Variants in FCHSD2 observed in about 807,000 individuals in gnomAD.
The protein encoded by FCHSD2 is F-BAR and double SH3 domains protein 2.
In FCHSD2, 38 loss-of-function variants were observed where a neutral mutation model predicts 108.1. The observed-to-expected ratio is 0.35, with a 90% CI of 0.27 to 0.46. The LOEUF (loss-of-function observed/expected upper bound fraction) is 0.46, where lower values mean the gene tolerates loss of function less well. Among genes scored for constraint, FCHSD2 ranks in the 20% least tolerant of loss-of-function variants. FCHSD2 has a pLI of 1.00. For synonymous variants in FCHSD2, 279 were observed against 314.7 expected, an observed-to-expected ratio of 0.89 and a Z score of 1.20; for missense variants, 751 against 897.8, an observed-to-expected ratio of 0.84 and a Z score of 2.09.
chr11:73,067,284 G>T (rs1162800998), intron 3 of FCHSD2, among the ~76,000 whole-genome samples: 1 of 152,086 alleles, frequency 6.6e-6, no homozygotes, highest in Non-Finnish European at 1.5e-5. Flanking sequence ...TGAACAATGA[G>T]AACTCATGGA....
At chr11:72,987,851 T>C (rs1184282751) in intron 6 of FCHSD2, among the ~76,000 whole-genome samples, 4 of 152,220 alleles carry the variant, frequency 2.6e-5, no homozygotes, top group Admixed American at 1.3e-4. Context: ...GGACATCTAA[T>C]CTAAAAACTT....
chr11:73,102,313 T>C (rs937787170), intron 2 of FCHSD2, among the ~76,000 whole-genome samples: 8 of 152,204 alleles, frequency 5.3e-5, no homozygotes, highest in Admixed American at 6.5e-5. Context: ...GGGGAAATTT[T>C]TGGCAGTTTC....
intron 4 of FCHSD2, among the ~76,000 whole-genome samples, chr11:73,015,352 TTACAA>T (rs752290225): frequency 2.6e-5 from 4 of 152,332 alleles, no homozygotes; most frequent in East Asian, 1.9e-4. Context: ...GCTCCTTTCC[TTACAA>T]TACATTAGAA....
intron 11 of FCHSD2, among the ~76,000 whole-genome samples, chr11:72,888,677 G>A (rs1490322945): frequency 6.0e-5 from 9 of 151,258 alleles, no homozygotes; most frequent in African/African-American, 2.2e-4. Flanking sequence ...GGAGTTCAGA[G>A]GCATGATCTT....
intron 3 of FCHSD2, among the ~76,000 whole-genome samples, chr11:73,019,701 G>T (rs933419709): frequency 8.5e-5 from 13 of 152,092 alleles, no homozygotes; most frequent in Non-Finnish European, 1.5e-5. Context: ...TAATCTGCAT[G>T]GATGCTCAGA....
chr11:73,013,452 C>T (rs1487544140), intron 4 of FCHSD2, among the ~76,000 whole-genome samples: 1 of 152,210 alleles, frequency 6.6e-6, no homozygotes, highest in Admixed American at 6.5e-5. Context: ...AAAGGACAGA[C>T]AACATATCTT....
intron 9 of FCHSD2, among the ~76,000 whole-genome samples, chr11:72,907,350 G>C (rs1448061174): frequency 6.6e-6 from 1 of 152,076 alleles, no homozygotes; most frequent in East Asian, 1.9e-4. Context: ...GATTGCCTTA[G>C]CCAGAACTTC....
At chr11:73,019,980 C>T (rs1376347477) in intron 3 of FCHSD2, among the ~76,000 whole-genome samples, 1 of 152,146 alleles carries the variant, frequency 6.6e-6, no homozygotes, top group African/African-American at 2.4e-5. Flanking sequence ...AATTGGTCCA[C>T]TAAACATAAT....
At chr11:73,131,038 T>C (rs1294505131) in intron 2 of FCHSD2, among the ~76,000 whole-genome samples, 1 of 152,186 alleles carries the variant, frequency 6.6e-6, no homozygotes, top group Non-Finnish European at 1.5e-5. Flanking sequence ...AATTTTTAAA[T>C]ACCTGAGTCC....
intron 3 of FCHSD2, among the ~76,000 whole-genome samples, chr11:73,032,765 T>C (rs1359987035): frequency 6.6e-6 from 1 of 151,910 alleles, no homozygotes; most frequent in Non-Finnish European, 1.5e-5. Flanking sequence ...GGGGTGCAAG[T>C]GGGAACATAG....
intron 8 of FCHSD2, among the ~76,000 whole-genome samples, chr11:72,951,573 T>C (rs1048255984): frequency 6.6e-6 from 1 of 152,232 alleles, no homozygotes; most frequent in African/African-American, 2.4e-5. Flanking sequence ...TTTTCCCATA[T>C]AGTGCTTGCC....
intron 2 of FCHSD2, among the ~76,000 whole-genome samples, chr11:73,135,982 C>T (rs1861111850): frequency 6.6e-6 from 1 of 151,728 alleles, no homozygotes; most frequent in South Asian, 2.1e-4. Flanking sequence ...GGGCAACAAA[C>T]AAACCCTGTC....
intron 5 of FCHSD2, among the ~76,000 whole-genome samples, chr11:72,994,907 T>C (rs1857492714): frequency 6.6e-6 from 1 of 152,178 alleles, no homozygotes; most frequent in South Asian, 2.1e-4. Flanking sequence ...GGTGACAAGG[T>C]TGTTCAACCA....
intron 2 of FCHSD2, among the ~76,000 whole-genome samples, chr11:73,135,306 A>G (rs1861097546): frequency 6.6e-6 from 1 of 152,250 alleles, no homozygotes; most frequent in African/African-American, 2.4e-5. Context: ...CTTCAACAAT[A>G]TAATTCACTT....
intron 3 of FCHSD2, among the ~76,000 whole-genome samples, chr11:73,033,103 A>G (rs1178530293): frequency 6.6e-6 from 1 of 152,044 alleles, no homozygotes; most frequent in Non-Finnish European, 1.5e-5. Context: ...CCTGGCTAAC[A>G]TGGTGAAACC....
At chr11:73,120,422 A>G (rs958819586) in intron 2 of FCHSD2, among the ~76,000 whole-genome samples, 1 of 152,208 alleles carries the variant, frequency 6.6e-6, no homozygotes, top group African/African-American at 2.4e-5. Flanking sequence ...GTAAGTGTAT[A>G]CCAGGCTCAG....
chr11:72,846,181 CTTT>C (rs35708688), intron 14 of FCHSD2, among the ~76,000 whole-genome samples: 6 of 137,112 alleles, frequency 4.4e-5, no homozygotes, highest in Non-Finnish European at 6.3e-5. Flanking sequence ...TCCTTTTGCT[CTTT>C]TTTTTTTTTT....
intron 8 of FCHSD2, among the ~76,000 whole-genome samples, chr11:72,928,771 TGCA>T: frequency 6.6e-6 from 1 of 152,290 alleles, no homozygotes; most frequent in East Asian, 1.9e-4. Flanking sequence ...GTGCACAACG[TGCA>T]GGTTTGTTAC....
intron 2 of FCHSD2, among the ~76,000 whole-genome samples, chr11:73,139,115 G>A (rs1734154406): frequency 6.6e-6 from 1 of 152,020 alleles, no homozygotes; most frequent in African/African-American, 2.4e-5. Flanking sequence ...TATAGGAGAG[G>A]AAAAAAGGAA....
Sources: allele counts gnomAD v4.1 joint callset (sites outside exome capture counted in the v4.1 genomes callset), GRCh38; gene constraint gnomAD v4.1.1; transcripts MANE v1.5; gene names NCBI Gene and HGNC (gene_info 2026-07-23, HGNC 2026-07-21).